B4GALT6: variants seen among roughly 807,000 people sequenced by gnomAD.
The protein encoded by B4GALT6 is beta-1,4-galactosyltransferase 6.
A neutral mutation model predicts 46.3 loss-of-function variants in B4GALT6; 14 were observed. That is an observed-to-expected ratio of 0.30 (90% CI 0.20 to 0.47). The LOEUF (loss-of-function observed/expected upper bound fraction) is 0.47. Among genes scored for constraint, B4GALT6 ranks in the 20% least tolerant of loss-of-function variants. The probability of loss-of-function intolerance (pLI) is 0.99; values close to 1 mark genes in which losing one functional copy is unlikely to be tolerated. For synonymous variants in B4GALT6, 168 were observed against 162.0 expected (o/e 1.04, Z -0.28); for missense variants, 386 against 480.1 (o/e 0.80, Z 1.83).
rs754524971 is a variant in B4GALT6 at position 31,627,007 on chromosome 18, A to G, written c.891T>C (p.Leu297=). The change falls in exon 7 of 9, where the codon CTT becomes CTC. Residue 297 remains leucine (L), a synonymous_variant. Transcript: ENST00000306851. ...TTTGTACCTCAACATACCTGTTCCA[A>G]AGGTCATCATCTTCTCCTCCCCATC... ...FWGWGGEDDD[L]WNRVHYAGYN... 8.7e-6 allele frequency: 14 copies of G among 1,609,350 alleles called. No homozygotes were observed. Among genetic ancestry groups the G allele is most frequent in the Non-Finnish European group, 1.1e-5 (13 of 1,178,508 alleles).
chr18:31,708,992 AGAGGTGAATG>A, the B4GALT6 span, among the ~76,000 whole-genome samples: 1 of 152,232 alleles, frequency 6.6e-6, no homozygotes, highest in Non-Finnish European at 1.5e-5. Flanking sequence ...TGTAAGCAAT[AGAGGTGAATG>A]GAGCAAGCAC....
chr18:31,710,610 C>T, the B4GALT6 span, among the ~76,000 whole-genome samples: 1,236 of 152,194 alleles, frequency 8.1e-3, 20 homozygotes, highest in African/African-American at 0.027. Context: ...TAGGCACTCC[C>T]TCGTAGCCAC....
the B4GALT6 span, among the ~76,000 whole-genome samples, chr18:31,700,817 G>T: frequency 3.3e-5 from 5 of 152,036 alleles, no homozygotes; most frequent in South Asian, 2.1e-4. Flanking sequence ...GGTCAGTGCT[G>T]CCTGTATCAA....
At chr18:31,666,188 A>T in intron 2 of B4GALT6, 68 bp downstream of exon 2, 1 of 867,224 alleles carries the variant, frequency 1.2e-6, no homozygotes, top group Non-Finnish European at 1.8e-6. Flanking sequence ...CCTGAAGGCA[A>T]AACAGACTGT....
At chr18:31,629,175 C>T (rs2073742404) in intron 6 of B4GALT6, among the ~76,000 whole-genome samples, 1 of 152,020 alleles carries the variant, frequency 6.6e-6, no homozygotes, top group East Asian at 1.9e-4. Flanking sequence ...ATATGTGTTA[C>T]TCAATTGTTT....
the B4GALT6 span, among the ~76,000 whole-genome samples, chr18:31,723,950 ACCCACCCCACCCCAC>A: frequency 4.4e-4 from 66 of 150,208 alleles, no homozygotes; most frequent in Non-Finnish European, 8.3e-4. Flanking sequence ...CGCACCTCCA[ACCCACCCCACCCCAC>A]CCCACCCCAC....
At chr18:31,674,157 A>C (rs1452227857) in intron 1 of B4GALT6, among the ~76,000 whole-genome samples, 2 of 152,216 alleles carry the variant, frequency 1.3e-5, no homozygotes, top group East Asian at 3.8e-4. Context: ...CCTTAGGAAA[A>C]TAACATACCA....
chr18:31,650,821 T>C lies in B4GALT6; in HGVS notation c.347-5342A>G, dbSNP rs535970124. 1.2e-3 allele frequency among the ~76,000 whole-genome samples: 176 copies of C among 152,208 alleles called. 3 individuals are homozygous for C. Among genetic ancestry groups the C allele is most frequent in the Non-Finnish European group, 1.9e-3 (128 of 67,998 alleles). On this transcript the variant is annotated intron_variant, in intron 3 of 8. Transcript: ENST00000306851. Reference sequence around the variant, plus strand: ...TCTCGCTCTGTCACCCAGGCTGGAGTGCAGTGGCGCCATCTCGGCTCACTA... The same window carrying C: ...TCTCGCTCTGTCACCCAGGCTGGAGCGCAGTGGCGCCATCTCGGCTCACTA...
the B4GALT6 span, among the ~76,000 whole-genome samples, chr18:31,696,015 C>T: frequency 1.3e-5 from 2 of 152,132 alleles, no homozygotes; most frequent in African/African-American, 4.8e-5. Flanking sequence ...AGATTGAAAT[C>T]GATTTTTTTA....
intron 5 of B4GALT6, among the ~76,000 whole-genome samples, chr18:31,636,874 C>T (rs182685903): frequency 2.7e-4 from 41 of 152,236 alleles, no homozygotes; most frequent in African/African-American, 8.7e-4. Context: ...CAGGCTGAAG[C>T]GCAGTGGCGC....
At chr18:31,688,193 A>G (rs1454597823), upstream of B4GALT6, among the ~76,000 whole-genome samples, 3 of 151,286 alleles carry the variant, frequency 2.0e-5, no homozygotes, top group African/African-American at 7.3e-5. Context: ...TAGATCATAT[A>G]AAAGACATTG....
At chr18:31,633,937 T>G (rs2073824783) in intron 5 of B4GALT6, among the ~76,000 whole-genome samples, 1 of 152,250 alleles carries the variant, frequency 6.6e-6, no homozygotes, top group African/African-American at 2.4e-5. Flanking sequence ...GTTTGTTCAC[T>G]GCCACATCCC....
the B4GALT6 span, among the ~76,000 whole-genome samples, chr18:31,696,076 A>G: frequency 0.011 from 1,637 of 152,310 alleles, 38 homozygotes; most frequent in African/African-American, 0.037. Context: ...CCTGGGAAAC[A>G]TGGAGAGAGA....
At chr18:31,662,850 C>A (rs1419018554) in intron 2 of B4GALT6, among the ~76,000 whole-genome samples, 19 of 151,472 alleles carry the variant, frequency 1.3e-4, no homozygotes, top group Non-Finnish European at 2.8e-4. Flanking sequence ...CAAAAAAAAA[C>A]AAAAACAAAA....
At chr18:31,718,207 G>A in the B4GALT6 span, among the ~76,000 whole-genome samples, 1 of 152,258 alleles carries the variant, frequency 6.6e-6, no homozygotes, top group Admixed American at 6.5e-5. Context: ...TCCCCCAGGG[G>A]ACATTTGGCA....
chr18:31,627,299 AGTACAT>A (rs1322619892), intron 6 of B4GALT6, among the ~76,000 whole-genome samples, 178 bp from the exon 7 acceptor site: 4 of 152,158 alleles, frequency 2.6e-5, no homozygotes, highest in Non-Finnish European at 5.9e-5. Flanking sequence ...TAGTGAAACA[AGTACAT>A]GTACATGTGT....
At chr18:31,638,942 T>C (rs962801540) in intron 4 of B4GALT6, among the ~76,000 whole-genome samples, 182 bp from the exon 5 acceptor site, 2 of 152,218 alleles carry the variant, frequency 1.3e-5, no homozygotes, top group South Asian at 4.1e-4. Flanking sequence ...GCTATGGTCT[T>C]ATAAAGCTGA....
intron 6 of B4GALT6, among the ~76,000 whole-genome samples, chr18:31,628,272 T>TG (rs746674356): frequency 4.6e-5 from 7 of 152,152 alleles, no homozygotes; most frequent in Non-Finnish European, 1.0e-4. Context: ...GGTATTACAG[T>TG]AAGACTAGCT....
At chr18:31,690,060 C>G (rs1448291139), upstream of B4GALT6, among the ~76,000 whole-genome samples, 5 of 152,178 alleles carry the variant, frequency 3.3e-5, no homozygotes. Context: ...TTACTTGACA[C>G]AGTTCAAAAG....
Sources: gnomAD v4.1 joint callset for allele counts (sites outside exome capture counted in the v4.1 genomes callset) on GRCh38, gnomAD v4.1.1 for gene constraint, MANE v1.5 for transcripts, NCBI Gene and HGNC (gene_info 2026-07-23, HGNC 2026-07-21) for gene names.